The following MND1 variants were observed in gnomAD, a reference collection of about 807,000 sequenced individuals.
The protein encoded by MND1 is meiotic nuclear division protein 1 homolog.
MND1 carries 28 observed loss-of-function variants against 35.1 expected under a neutral mutation model. The ratio of observed to expected loss-of-function variants is 0.80; its 90% confidence interval spans 0.59 to 1.09. MND1 has a LOEUF of 1.09. Among genes scored for constraint, MND1 ranks in the 50% least tolerant of loss-of-function variants. The pLI is 0.00. For synonymous variants in MND1, 69 were observed against 70.5 expected (o/e 0.98, Z 0.11); for missense variants, 213 against 239.6 (o/e 0.89, Z 0.73).
At chr4:153,410,723 G>A (rs1456739287) in intron 7 of MND1, among the ~76,000 whole-genome samples, 1 of 152,184 alleles carries the variant, frequency 6.6e-6, no homozygotes, top group Non-Finnish European at 1.5e-5. Context: ...GGGCGTGGTG[G>A]CTCATGCCCG....
At position 153,411,946 on chromosome 4, in the gene MND1, T is replaced by C. The variant is rs113024142; in HGVS notation, c.512-2805T>C. Among the ~76,000 whole-genome samples the C allele has an allele frequency of 7.9e-3, 1,202 of 152,352 alleles. 15 individuals carry two copies. Among genetic ancestry groups the C allele is most frequent in the African/African-American group, 0.027 (1,121 of 41,586 alleles). On this transcript the variant is annotated intron_variant, in intron 7 of 7. Transcript: ENST00000240488. ...TGCAGTGCACCTGATACTTGTCTTA[T>C]GTAGCAGCAGACATAACATTTGGAT...
At chr4:153,391,468 G>T (rs1251864800) in intron 4 of MND1, among the ~76,000 whole-genome samples, 3 of 152,134 alleles carry the variant, frequency 2.0e-5, no homozygotes, top group African/African-American at 7.2e-5. Flanking sequence ...GCTTACGCCT[G>T]TGATCCCAGC....
intron 6 of MND1, among the ~76,000 whole-genome samples, chr4:153,399,261 G>T (rs759453972): frequency 7.2e-5 from 11 of 152,120 alleles, no homozygotes; most frequent in Non-Finnish European, 1.6e-4. Flanking sequence ...CCAAAAAGAC[G>T]TAAGCTTTTC....
At chr4:153,411,457 C>T (rs886119629) in intron 7 of MND1, among the ~76,000 whole-genome samples, 14 of 152,098 alleles carry the variant, frequency 9.2e-5, no homozygotes, top group African/African-American at 2.4e-4. Context: ...TCAAGATTCT[C>T]AGTGGCATTT....
Position 153,414,838 on chromosome 4 carries a change from A to G in MND1, c.599A>G (p.Asp200Gly), listed in dbSNP as rs749494034. The change falls in exon 8 of 8, where the codon GAC (aspartate) becomes GGC (glycine). Residue 200 changes from aspartate to glycine, a missense_variant. Physicochemically the swap from Asp to Gly is moderately conservative, Grantham distance 94. Transcript: ENST00000240488. ...GATAGAACTTTTGGAATTCCAGAAGACTTTGACTACATAGACTAAAATATT... is the reference window on the plus strand; with the variant it reads ...GATAGAACTTTTGGAATTCCAGAAGGCTTTGACTACATAGACTAAAATATT... ...KIDRTFGIPEDFDYID is the reference protein window; with the variant it reads ...KIDRTFGIPEGFDYID 1.3e-6 allele frequency: 2 copies of G among 1,506,994 alleles called. No homozygotes were observed. The highest frequency in any genetic ancestry group is 2.5e-5 in the South Asian group (2 of 79,872). 93.4% of individuals were successfully genotyped at this position (1,506,994 alleles called of 1,614,324 possible).
intron 4 of MND1, among the ~76,000 whole-genome samples, chr4:153,370,485 AT>A (rs2149640159): frequency 6.6e-6 from 1 of 152,002 alleles, no homozygotes; most frequent in East Asian, 1.9e-4. Flanking sequence ...ATTAATGTTG[AT>A]GTTTTGACCT....
intron 1 of MND1, among the ~76,000 whole-genome samples, chr4:153,347,714 G>A (rs1254671656): frequency 6.6e-6 from 1 of 152,186 alleles, no homozygotes; most frequent in Non-Finnish European, 1.5e-5. Flanking sequence ...TAAGCCTTGG[G>A]AGATGTTTTG....
intron 1 of MND1, among the ~76,000 whole-genome samples, chr4:153,349,040 G>A (rs908216613): frequency 2.0e-5 from 3 of 150,310 alleles, no homozygotes; most frequent in African/African-American, 7.3e-5. Flanking sequence ...GATCACATAA[G>A]AAATATTAGT....
In MND1 at chr4:153,396,191, T is replaced by A. The variant is rs1729192829; in HGVS notation, c.352-1028T>A. 1.3e-5 allele frequency among the ~76,000 whole-genome samples: 2 copies of A among 152,220 alleles called. 1 individual carries two copies. Among genetic ancestry groups the A allele is most frequent in the South Asian group, 4.1e-4 (2 of 4,828 alleles). On this transcript the variant is annotated intron_variant, in intron 5 of 7. Transcript: ENST00000240488. ...ATTAGCTACAATTAAATTTAGTTTC[T>A]CGGTCCCAGTGGCCACATTGCATAT... is the stretch of plus-strand genomic sequence containing the variant.
chr4:153,364,298 C>G lies in MND1; in HGVS notation c.276+5676C>G, dbSNP rs1773569825. Among the ~76,000 whole-genome samples the G allele has an allele frequency of 3.9e-5, 6 of 152,146 alleles. No individual in the cohort carries two copies. The Middle Eastern group carries it at 0.017, about 431-fold the overall frequency. On this transcript the variant is annotated intron_variant, in intron 4 of 7. Transcript: ENST00000240488. ...TGGGGGGCCTGAGGTGGGAGGATCA[C>G]TTGAGCCTAGGAATTCAAGACCAGC...
In MND1 at chr4:153,383,718, G is replaced by C. The variant is rs189395997; in HGVS notation, c.277-10544G>C. Among the ~76,000 whole-genome samples the C allele has an allele frequency of 1.9e-3, 283 of 152,344 alleles. 1 individual carries two copies. Among genetic ancestry groups the C allele is most frequent in the African/African-American group, 5.0e-3 (210 of 41,588 alleles). On this transcript the variant is annotated intron_variant, in intron 4 of 7. Transcript: ENST00000240488. ...CTTATTACAGAGGTAGCATGAAGGA[G>C]AGAGGGAAGGGTAAAGGGCACATCC...
intron 6 of MND1, among the ~76,000 whole-genome samples, chr4:153,403,672 C>CTA (rs1310961116): frequency 6.6e-6 from 1 of 152,058 alleles, no homozygotes; most frequent in Non-Finnish European, 1.5e-5. Context: ...TCTTGGCTCA[C>CTA]TACAACCTCT....
intron 4 of MND1, among the ~76,000 whole-genome samples, chr4:153,361,831 C>CA (rs924464150): frequency 1.5e-4 from 20 of 137,252 alleles, no homozygotes; most frequent in East Asian, 6.3e-4. Context: ...GAGCAAGACT[C>CA]AAAAAAAAAG....
At chr4:153,345,642 A>G in intron 1 of MND1, 2 of 715,578 alleles carry the variant, frequency 2.8e-6, no homozygotes, top group South Asian at 6.3e-5. Flanking sequence ...AGATTTTAAT[A>G]TCTTCATTTA....
chr4:153,393,208 T>C (rs1729094324), intron 4 of MND1, among the ~76,000 whole-genome samples: 1 of 152,180 alleles, frequency 6.6e-6, no homozygotes, highest in Non-Finnish European at 1.5e-5. Context: ...AATATGTAAC[T>C]ATGCAATTCT....
chr4:153,348,246 C>T (rs1046882284), intron 1 of MND1, among the ~76,000 whole-genome samples: 1 of 152,130 alleles, frequency 6.6e-6, no homozygotes, highest in Non-Finnish European at 1.5e-5. Context: ...GGATGACTGT[C>T]AGGCCTCTGG....
intron 7 of MND1, among the ~76,000 whole-genome samples, chr4:153,411,055 A>C (rs961141520): frequency 6.6e-6 from 1 of 152,240 alleles, no homozygotes; most frequent in Non-Finnish European, 1.5e-5. Context: ...ACAATTCAGT[A>C]TCTCAGTTCT....
chr4:153,351,118 T>C (rs551403893), intron 2 of MND1, among the ~76,000 whole-genome samples: 46 of 152,306 alleles, frequency 3.0e-4, no homozygotes, highest in African/African-American at 1.1e-3. Flanking sequence ...ATAGCAATTC[T>C]TCTGCTGAGT....
At chr4:153,398,363 A>T (rs1729255947) in intron 6 of MND1, among the ~76,000 whole-genome samples, 1 of 152,244 alleles carries the variant, frequency 6.6e-6, no homozygotes, top group African/African-American at 2.4e-5. Flanking sequence ...TTTGAAAGAA[A>T]TGGAAAATAT....
Sources: allele counts gnomAD v4.1 joint callset (sites outside exome capture counted in the v4.1 genomes callset), GRCh38; gene constraint gnomAD v4.1.1; transcripts MANE v1.5; gene names NCBI Gene and HGNC (gene_info 2026-07-23, HGNC 2026-07-21).